The following ARHGEF37 variants were observed in gnomAD, a reference collection of about 807,000 sequenced individuals.
The protein encoded by ARHGEF37 is Rho guanine nucleotide exchange factor 37.
A neutral mutation model predicts 71.1 loss-of-function variants in ARHGEF37; 55 were observed. The ratio of observed to expected loss-of-function variants is 0.77; its 90% confidence interval spans 0.62 to 0.97. The LOEUF (loss-of-function observed/expected upper bound fraction) is 0.97, where lower values mean the gene tolerates loss of function less well. Ranked by LOEUF, ARHGEF37 falls within the 50% of genes least tolerant of loss-of-function variation. The pLI, the probability that ARHGEF37 is intolerant of heterozygous loss-of-function variation, is 0.00. For missense variants in ARHGEF37, 765 were observed against 836.8 expected, an observed-to-expected ratio of 0.91 and a Z score of 1.06; for synonymous variants, 327 against 350.6, an observed-to-expected ratio of 0.93 and a Z score of 0.75.
intron 1 of ARHGEF37, among the ~76,000 whole-genome samples, chr5:149,591,410 G>A (rs1763401907): frequency 6.6e-6 from 1 of 151,890 alleles, no homozygotes; most frequent in Admixed American, 6.6e-5. Context: ...AAGAGATGAG[G>A]TCTCTCTCTA....
rs185839642 is a variant in ARHGEF37 at position 149,628,311 on chromosome 5, G to A, written c.1661-498G>A. Among the ~76,000 whole-genome samples, 27 of 152,332 alleles carry A rather than the reference G, an allele frequency of 1.8e-4. No homozygotes were observed. The East Asian group carries it at 5.2e-3, about 29-fold the overall frequency. On this transcript the variant is annotated intron_variant, in intron 11 of 12. Transcript: ENST00000333677. ...GACTATGTAATGAAATGCTTGCTCT[G>A]TAGTTTGGCACACCCTCAGGAAGTG...
upstream of ARHGEF37, among the ~76,000 whole-genome samples, chr5:149,577,607 A>C (rs966143217): frequency 9.9e-5 from 15 of 152,264 alleles, no homozygotes; most frequent in African/African-American, 3.6e-4. Flanking sequence ...GTTGAGAAAC[A>C]AACATAACAC....
intron 1 of ARHGEF37, among the ~76,000 whole-genome samples, chr5:149,588,708 C>T (rs918594773): frequency 6.6e-5 from 10 of 152,078 alleles, no homozygotes; most frequent in African/African-American, 1.7e-4. Flanking sequence ...CCTTTTTCCC[C>T]CCTTCCTTAA....
intron 1 of ARHGEF37, among the ~76,000 whole-genome samples, chr5:149,564,204 G>A (rs1401759672): frequency 2.0e-5 from 3 of 152,032 alleles, no homozygotes; most frequent in East Asian, 1.9e-4. Context: ...CAATCCATCT[G>A]CCTCAGCCTC....
intron 6 of ARHGEF37, 63 bp from the exon 7 acceptor site, chr5:149,618,875 A>G (rs1483467994): frequency 4.4e-6 from 6 of 1,369,966 alleles, no homozygotes; most frequent in African/African-American, 2.9e-5. Flanking sequence ...GACCTGGAAC[A>G]CTGAAGCCGG....
At chr5:149,607,378 G>A (rs764146989) in intron 3 of ARHGEF37, among the ~76,000 whole-genome samples, 4 of 152,210 alleles carry the variant, frequency 2.6e-5, no homozygotes, top group Non-Finnish European at 5.9e-5. Flanking sequence ...TCCCTTGCTT[G>A]TTCCCAGGAC....
chr5:149,572,530 T>C (rs1240965172), intron 1 of ARHGEF37, among the ~76,000 whole-genome samples: 1 of 152,218 alleles, frequency 6.6e-6, no homozygotes, highest in Non-Finnish European at 1.5e-5. Context: ...GAGATGCATA[T>C]GGGTACCAAG....
At chr5:149,622,373 T>C (rs1003912148) in intron 9 of ARHGEF37, among the ~76,000 whole-genome samples, 33 of 152,202 alleles carry the variant, frequency 2.2e-4, no homozygotes, top group African/African-American at 7.5e-4. Flanking sequence ...TGGAGTGTAC[T>C]AGAAGTTGAT....
At chr5:149,587,312 G>A (rs1763266927) in intron 1 of ARHGEF37, among the ~76,000 whole-genome samples, 1 of 152,116 alleles carries the variant, frequency 6.6e-6, no homozygotes, top group African/African-American at 2.4e-5. Context: ...GATCGGCCAT[G>A]TGTCTTTAGA....
intron 1 of ARHGEF37, among the ~76,000 whole-genome samples, chr5:149,592,633 T>C (rs1389713909): frequency 1.3e-5 from 2 of 152,254 alleles, no homozygotes; most frequent in African/African-American, 4.8e-5. Flanking sequence ...ATAAGTTCTC[T>C]TACTGCGGGA....
At chr5:149,561,415 G>A (rs919419824) in intron 1 of ARHGEF37, among the ~76,000 whole-genome samples, 4 of 152,130 alleles carry the variant, frequency 2.6e-5, no homozygotes, top group Non-Finnish European at 5.9e-5. Flanking sequence ...TTCATAAAGG[G>A]AAAACACAAA....
upstream of ARHGEF37, among the ~76,000 whole-genome samples, chr5:149,581,311 A>G (rs912870139): frequency 2.0e-5 from 3 of 152,166 alleles, no homozygotes; most frequent in African/African-American, 7.2e-5. Context: ...TCCGCCTGCA[A>G]TCCTTCGGGT....
At chr5:149,597,629 G>T (rs1018770228) in intron 1 of ARHGEF37, 130 bp from the exon 2 acceptor site, 18 of 771,370 alleles carry the variant, frequency 2.3e-5, no homozygotes, top group Middle Eastern at 4.0e-4. Flanking sequence ...CTAATAAACA[G>T]TTCATCTTGA....
chr5:149,577,500 C>G (rs532341527), upstream of ARHGEF37, among the ~76,000 whole-genome samples: 7 of 152,298 alleles, frequency 4.6e-5, no homozygotes, highest in South Asian at 1.5e-3. Context: ...TTGCTTACCT[C>G]TGGAACAGCA....
rs140295747 is a variant in ARHGEF37, at chr5:149,612,880, C to T, written c.458+3185C>T. On this transcript the variant is annotated intron_variant, in intron 4 of 12. Transcript: ENST00000333677. The stretch of plus-strand genomic sequence containing the variant: ...AGATTCCTTGGGATTCCAAAATGCA[C>T]GCTGACCCCACCCTTTATTTGGGTA... Among the ~76,000 whole-genome samples the T allele has an allele frequency of 2.1e-3, 323 of 152,344 alleles. 2 individuals are homozygous for T. The highest frequency in any genetic ancestry group is 7.1e-3 in the African/African-American group (297 of 41,574).
At chr5:149,631,845 T>A (rs1752892318) in intron 12 of ARHGEF37, 137 bp from the exon 13 acceptor site, 4 of 773,258 alleles carry the variant, frequency 5.2e-6, no homozygotes, top group Non-Finnish European at 8.4e-6. Flanking sequence ...GTACAAAAGA[T>A]GTACTTGGGA....
intron 10 of ARHGEF37, among the ~76,000 whole-genome samples, chr5:149,625,497 G>T (rs1752658833): frequency 6.6e-6 from 1 of 152,092 alleles, no homozygotes; most frequent in Non-Finnish European, 1.5e-5. Context: ...GAACAGGACA[G>T]ATAAAGGTAG....
At position 149,621,800 on chromosome 5, in the gene ARHGEF37, A is replaced by C; in HGVS notation, c.1073A>C (p.Gln358Pro). Residue 358 changes from glutamine (Q) to proline (P), a missense_variant, in exon 9 of 13, where the codon CAG becomes CCG. This residue lies in a region of ARHGEF37 where 390 missense variants were observed against 407.4 expected (regional missense o/e 0.96). Coordinates refer to ENST00000333677, the MANE Select transcript of ARHGEF37 (RefSeq NM_001001669.3). ...CTGGCCAAAGCCCTGCTTGGCCCTC[A>C]GAACCTGATCAAGAAGCGTCTGGAC... Reference protein sequence around the residue: ...CSLAKALLGPQNLIKKRLDKL... With the variant: ...CSLAKALLGPPNLIKKRLDKL... 1 of 1,614,262 alleles carries C rather than the reference A, an allele frequency of 6.2e-7. No homozygotes were observed. Among genetic ancestry groups the C allele is most frequent in the Non-Finnish European group, 8.5e-7 (1 of 1,180,042 alleles).
chr5:149,609,458 C>T (rs2113342262), intron 3 of ARHGEF37, 90 bp from the exon 4 acceptor site: 1 of 1,408,766 alleles, frequency 7.1e-7, no homozygotes. Flanking sequence ...CACTGGAGAG[C>T]TGGAGGGGTT....
Sources: allele counts gnomAD v4.1 joint callset (sites outside exome capture counted in the v4.1 genomes callset), GRCh38; gene constraint gnomAD v4.1.1; regional missense constraint gnomAD v4.1.1; transcripts MANE v1.5; gene names NCBI Gene and HGNC (gene_info 2026-07-23, HGNC 2026-07-21).